The following FNDC3B variants were observed in gnomAD, a reference collection of about 807,000 sequenced individuals.
FNDC3B encodes fibronectin type III domain containing 3B.
Under a neutral mutation model 151.5 loss-of-function variants are expected in FNDC3B, and 12 were observed. The observed-to-expected ratio is 0.08, with a 90% CI of 0.05 to 0.13. FNDC3B has a LOEUF of 0.13. Among genes scored for constraint, FNDC3B ranks in the 10% least tolerant of loss-of-function variants. The pLI is 1.00. For missense variants in FNDC3B, 1,214 were observed against 1,505.3 expected (o/e 0.81, Z 3.20); for synonymous variants, 528 against 549.0 (o/e 0.96, Z 0.54).
At chr3:172,394,418 A>C (rs1318820091) in intron 25 of FNDC3B, among the ~76,000 whole-genome samples, 1 of 152,192 alleles carries the variant, frequency 6.6e-6, no homozygotes, top group Admixed American at 6.5e-5. Flanking sequence ...TCAGAAAAAA[A>C]GATTACAGCA....
intron 13 of FNDC3B, among the ~76,000 whole-genome samples, chr3:172,332,367 A>G (rs1041880749): frequency 3.9e-5 from 6 of 152,152 alleles, no homozygotes; most frequent in Non-Finnish European, 7.4e-5. Flanking sequence ...CACCAGTTCC[A>G]CCACTGTATC....
chr3:172,367,613 A>C (rs1041266291), intron 23 of FNDC3B, among the ~76,000 whole-genome samples: 2 of 152,218 alleles, frequency 1.3e-5, no homozygotes, highest in South Asian at 4.1e-4. Flanking sequence ...AGATTGTAGC[A>C]CTGTGCCGAT....
At chr3:172,342,035 A>G (rs1733350094) in intron 17 of FNDC3B, among the ~76,000 whole-genome samples, 1 of 152,268 alleles carries the variant, frequency 6.6e-6, no homozygotes, top group African/African-American at 2.4e-5. Context: ...ATTTAAAATG[A>G]AAGAGAAGGA....
At chr3:172,206,610 G>A (rs1725443193) in intron 3 of FNDC3B, among the ~76,000 whole-genome samples, 1 of 131,782 alleles carries the variant, frequency 7.6e-6, no homozygotes, top group Non-Finnish European at 1.5e-5. Flanking sequence ...AAGGAGCCGA[G>A]ACTGCACCAT....
intron 22 of FNDC3B, among the ~76,000 whole-genome samples, chr3:172,358,999 GTGGTGGTGGTGGTGGTGGTGA>G: frequency 1.4e-5 from 2 of 138,146 alleles, no homozygotes; most frequent in South Asian, 2.2e-4. Flanking sequence ...GGTGGTGGTG[GTGGTGGTGGTGGTGGTGGTGA>G]TGGTGGCGGT....
At chr3:172,241,639 C>G (rs981520529) in intron 4 of FNDC3B, among the ~76,000 whole-genome samples, 5 of 152,050 alleles carry the variant, frequency 3.3e-5, no homozygotes, top group South Asian at 2.1e-4. Flanking sequence ...TATTCACTAT[C>G]ATGAGAACAG....
chr3:172,161,076 A>T (rs1399010714), intron 3 of FNDC3B, among the ~76,000 whole-genome samples: 1 of 152,198 alleles, frequency 6.6e-6, no homozygotes, highest in African/African-American at 2.4e-5. Flanking sequence ...TATTCTTGGT[A>T]TGTTATTTCT....
At chr3:172,193,585 C>T (rs1418284102) in intron 3 of FNDC3B, among the ~76,000 whole-genome samples, 1 of 151,100 alleles carries the variant, frequency 6.6e-6, no homozygotes, top group African/African-American at 2.4e-5. Flanking sequence ...GCATTTTGAT[C>T]GCTGGCTGAT....
intron 7 of FNDC3B, among the ~76,000 whole-genome samples, 197 bp downstream of exon 7, chr3:172,286,181 G>A (rs972315855): frequency 2.0e-5 from 3 of 151,944 alleles, no homozygotes; most frequent in African/African-American, 7.2e-5. Context: ...GTGTGTAGTC[G>A]TAATCTACTG....
chr3:172,361,395 A>G (rs900984901), intron 22 of FNDC3B, among the ~76,000 whole-genome samples: 8 of 152,120 alleles, frequency 5.3e-5, no homozygotes, highest in Non-Finnish European at 8.8e-5. Flanking sequence ...CAGCCAGGTC[A>G]CCTCTTGAAC....
intron 25 of FNDC3B, among the ~76,000 whole-genome samples, chr3:172,381,518 T>C (rs1249056307): frequency 6.6e-6 from 1 of 151,996 alleles, no homozygotes; most frequent in African/African-American, 2.4e-5. Context: ...ATGTGTAGAA[T>C]ATGCAGGTTT....
rs900159210 is a variant in FNDC3B at position 172,197,195 on chromosome 3, T to C, written c.188-29676T>C. The stretch of plus-strand genomic sequence containing the variant: ...GACTCTGTCTCAAAATAAAATAAAA[T>C]AAAATAAAGTAAAATAAAATAATAA... On this transcript the variant is annotated intron_variant, in intron 3 of 25. Coordinates refer to ENST00000415807, the MANE Select transcript of FNDC3B (RefSeq NM_022763.4). 2.0e-5 allele frequency among the ~76,000 whole-genome samples: 3 copies of C among 151,734 alleles called. No homozygotes were observed. In the East Asian group the frequency reaches 5.8e-4, roughly 29 times the overall value.
intron 9 of FNDC3B, among the ~76,000 whole-genome samples, chr3:172,304,597 G>A (rs558279800): frequency 6.6e-6 from 1 of 152,320 alleles, no homozygotes; most frequent in African/African-American, 2.4e-5. Flanking sequence ...CTACAGGGCA[G>A]GAAAGAGGGC....
At chr3:172,265,965 T>C (rs1489487793) in intron 6 of FNDC3B, among the ~76,000 whole-genome samples, 3 of 152,226 alleles carry the variant, frequency 2.0e-5, no homozygotes, top group Non-Finnish European at 4.4e-5. Flanking sequence ...AAGATAGGGA[T>C]GAATTTTTTG....
chr3:172,156,712 T>TC (rs146635056), intron 3 of FNDC3B, among the ~76,000 whole-genome samples: 14 of 131,604 alleles, frequency 1.1e-4, no homozygotes, highest in African/African-American at 1.9e-4. Flanking sequence ...TTTTTTTTTT[T>TC]CCCCACTGTC....
Position 172,289,076 on chromosome 3 carries a change from G to C in FNDC3B, c.849+3092G>C, listed in dbSNP as rs141862444. 1.6e-3 allele frequency among the ~76,000 whole-genome samples: 250 copies of C among 152,316 alleles called. 1 individual carries two copies. Among genetic ancestry groups the C allele is most frequent in the African/African-American group, 5.6e-3 (234 of 41,570 alleles). Reference sequence around the variant, plus strand: ...AACAGTACAAATTTATTGTCATAAAGGTCTAGAGGCCAGAAAGTCCAAAAT... The same window carrying C: ...AACAGTACAAATTTATTGTCATAAACGTCTAGAGGCCAGAAAGTCCAAAAT... On this transcript the variant is annotated intron_variant, in intron 7 of 25. Transcript: ENST00000415807.
At chr3:172,338,758 G>A (rs543216823) in intron 16 of FNDC3B, among the ~76,000 whole-genome samples, 6 of 152,022 alleles carry the variant, frequency 3.9e-5, no homozygotes, top group South Asian at 4.2e-4. Flanking sequence ...TTTTTGAGAC[G>A]GAGTCTCGCT....
At chr3:172,078,497 C>G (rs1171033667) in intron 1 of FNDC3B, among the ~76,000 whole-genome samples, 2 of 145,778 alleles carry the variant, frequency 1.4e-5, no homozygotes, top group Non-Finnish European at 3.0e-5. Context: ...GTCGCTGCAT[C>G]AGAAGAAGGT....
At chr3:172,304,876 G>A (rs1172082877) in intron 9 of FNDC3B, among the ~76,000 whole-genome samples, 1 of 146,058 alleles carries the variant, frequency 6.8e-6, no homozygotes, top group African/African-American at 2.6e-5. Flanking sequence ...CAGCCTAGGC[G>A]ACAGAGCGAG....
Sources: gnomAD v4.1 joint callset for allele counts (sites outside exome capture counted in the v4.1 genomes callset) on GRCh38, gnomAD v4.1.1 for gene constraint, MANE v1.5 for transcripts, NCBI Gene and HGNC (gene_info 2026-07-23, HGNC 2026-07-21) for gene names.